Variants in DECR1 observed in about 807,000 individuals in gnomAD.
DECR1 encodes the protein 2,4-dienoyl-CoA reductase 1.
DECR1 carries 44 observed loss-of-function variants against 38.8 expected under a neutral mutation model. The ratio of observed to expected loss-of-function variants is 1.13; its 90% CI spans 0.89 to 1.46. The LOEUF is 1.46. DECR1 is among the 40% of genes most tolerant of loss of function. The probability of loss-of-function intolerance (pLI) is 0.00; values close to 1 mark genes in which losing one functional copy is unlikely to be tolerated. For synonymous variants in DECR1, 148 were observed against 135.2 expected (o/e 1.09, Z -0.66); for missense variants, 428 against 405.5 (o/e 1.06, Z -0.48).
rs182966199 is a variant in DECR1, at chr8:90,016,354, T to C, written c.70-770T>C. Among the ~76,000 whole-genome samples, 304 of 152,290 alleles carry C rather than the reference T, an allele frequency of 2.0e-3. 2 individuals carry two copies. The highest frequency in any genetic ancestry group is 6.8e-3 in the African/African-American group (284 of 41,550). ...ATGTTAGTTTTTTAAAAATTAAATT[T>C]GGTCGGGTGTGGTGGCTCATGCCTG... On this transcript the variant is annotated intron_variant, in intron 1 of 9. Coordinates refer to ENST00000220764, the MANE Select transcript of DECR1 (RefSeq NM_001359.2).
rs958892868 is a variant in DECR1, at chr8:90,052,848, A to G, written c.*951A>G. 1.5e-4 allele frequency among the ~76,000 whole-genome samples: 23 copies of G among 152,274 alleles called. No individual in the cohort carries two copies. Among genetic ancestry groups the G allele is most frequent in the African/African-American group, 5.1e-4 (21 of 41,564 alleles). ...TGCTTTCCCAGGAGTCAGTTACAAC[A>G]TGTTCACTAGACTGACTATCCCCAT... On this transcript the variant is annotated 3_prime_UTR_variant, in exon 10 of 10. Coordinates refer to ENST00000220764, the MANE Select transcript of DECR1 (RefSeq NM_001359.2).
intron 7 of DECR1, 133 bp downstream of exon 7, chr8:90,042,933 C>T: frequency 1.4e-6 from 1 of 719,004 alleles, no homozygotes; most frequent in South Asian, 1.7e-5. Flanking sequence ...GGGAAGAGGC[C>T]TTTGCCTTTA....
chr8:90,038,244 T>C (rs1813662393), intron 6 of DECR1, among the ~76,000 whole-genome samples: 2 of 152,174 alleles, frequency 1.3e-5, no homozygotes, highest in South Asian at 4.1e-4. Context: ...AGCTTTCATA[T>C]GTCTATGGCT....
At chr8:90,037,526 A>G (rs1280442129) in intron 6 of DECR1, among the ~76,000 whole-genome samples, 1 of 150,528 alleles carries the variant, frequency 6.6e-6, no homozygotes, top group East Asian at 2.0e-4. Context: ...AGCTTATTGC[A>G]GCCTTAATCT....
intron 5 of DECR1, among the ~76,000 whole-genome samples, chr8:90,022,416 T>C (rs1016687657): frequency 3.3e-5 from 5 of 152,204 alleles, no homozygotes; most frequent in African/African-American, 1.2e-4. Flanking sequence ...CTCATTGAAA[T>C]TGAAATTCCT....
intron 1 of DECR1, 57 bp downstream of exon 1, chr8:90,001,618 G>A: frequency 6.5e-7 from 1 of 1,533,622 alleles, no homozygotes; most frequent in Non-Finnish European, 9.0e-7. Context: ...CGCAAAGAGA[G>A]AGGACAGGGC....
In DECR1 at chr8:90,042,801, G is replaced by A; in HGVS notation, c.738+1G>A. On this transcript the variant is annotated splice_donor_variant, in intron 7 of 9. Transcript: ENST00000220764. LOFTEE classifies it high-confidence loss of function. Reference sequence around the variant, plus strand: ...TCAACCAGGGCCTATAAAAACCAAAGTAAGTTGTATTTTGCTTGTTATCAC... The same window carrying A: ...TCAACCAGGGCCTATAAAAACCAAAATAAGTTGTATTTTGCTTGTTATCAC... 1 of 1,611,636 alleles carries A rather than the reference G, an allele frequency of 6.2e-7. No homozygotes were observed. The highest frequency in any genetic ancestry group is 8.5e-7 in the Non-Finnish European group (1 of 1,177,904).
chr8:90,028,808 G>T (rs534468258), intron 5 of DECR1, among the ~76,000 whole-genome samples: 2 of 132,984 alleles, frequency 1.5e-5, no homozygotes, highest in East Asian at 2.2e-4. Flanking sequence ...TGCTTATTTT[G>T]TATCAGGCTT....
At chr8:90,014,952 A>G (rs932280732) in intron 1 of DECR1, among the ~76,000 whole-genome samples, 17 of 152,306 alleles carry the variant, frequency 1.1e-4, no homozygotes, top group East Asian at 3.9e-4. Context: ...TGCTTTGGCA[A>G]AAGGATATGA....
intron 5 of DECR1, among the ~76,000 whole-genome samples, chr8:90,036,616 C>G (rs746305525): frequency 6.6e-6 from 1 of 152,102 alleles, no homozygotes; most frequent in Non-Finnish European, 1.5e-5. Context: ...GGCATACATT[C>G]CAAGTAAGTG....
rs1814098338 is a variant in DECR1 at position 90,051,703 on chromosome 8, A to G, written c.912A>G (p.Glu304=). 6.2e-7 allele frequency: 1 copy of G among 1,612,498 alleles called. No homozygotes were observed. Residue 304 remains glutamate, a synonymous_variant, in exon 9 of 10, where the codon GAA becomes GAG. Coordinates refer to ENST00000220764, the MANE Select transcript of DECR1 (RefSeq NM_001359.2). ...GAVIKFDGGE[E]VLISGEFNDL... ...TCATTAAATTTGACGGTGGAGAGGAAGTACTTATTTCAGGGGAATTCAACG... is the reference window on the plus strand; with the variant it reads ...TCATTAAATTTGACGGTGGAGAGGAGGTACTTATTTCAGGGGAATTCAACG...
At chr8:90,009,305 G>A (rs1032951528) in intron 1 of DECR1, among the ~76,000 whole-genome samples, 1 of 152,088 alleles carries the variant, frequency 6.6e-6, no homozygotes, top group Non-Finnish European at 1.5e-5. Context: ...TCTCCTTCAC[G>A]TCTTTGCTCC....
At chr8:90,026,368 T>C (rs1813337676) in intron 5 of DECR1, among the ~76,000 whole-genome samples, 1 of 152,224 alleles carries the variant, frequency 6.6e-6, no homozygotes, top group South Asian at 2.1e-4. Context: ...TTTTTTTGGT[T>C]GGTAGGCTTT....
At chr8:90,039,461 C>T (rs1265044881) in intron 6 of DECR1, among the ~76,000 whole-genome samples, 1 of 152,170 alleles carries the variant, frequency 6.6e-6, no homozygotes, top group African/African-American at 2.4e-5. Context: ...CACTCACTAT[C>T]ATGAGAACAG....
intron 5 of DECR1, among the ~76,000 whole-genome samples, chr8:90,033,507 C>T (rs1813546536): frequency 6.6e-6 from 1 of 152,118 alleles, no homozygotes; most frequent in Non-Finnish European, 1.5e-5. Context: ...GTGACTAACC[C>T]TGGGGATCTA....
chr8:90,023,348 T>G (rs1813213358), intron 5 of DECR1, among the ~76,000 whole-genome samples: 1 of 152,198 alleles, frequency 6.6e-6, no homozygotes, highest in South Asian at 2.1e-4. Context: ...ATTGATGTAT[T>G]CCCTAGGAGC....
intron 5 of DECR1, among the ~76,000 whole-genome samples, chr8:90,035,617 T>A (rs1813601371): frequency 6.6e-6 from 1 of 152,114 alleles, no homozygotes; most frequent in African/African-American, 2.4e-5. Flanking sequence ...AAAGGCTGTT[T>A]GTCTGCTACA....
chr8:90,043,354 T>C (rs1316923675), intron 7 of DECR1, among the ~76,000 whole-genome samples: 3 of 152,196 alleles, frequency 2.0e-5, no homozygotes, highest in African/African-American at 7.2e-5. Flanking sequence ...AGCATAGATT[T>C]CACCTATAAG....
At chr8:90,023,330 T>C (rs1431113864) in intron 5 of DECR1, among the ~76,000 whole-genome samples, 1 of 152,212 alleles carries the variant, frequency 6.6e-6, no homozygotes, top group Non-Finnish European at 1.5e-5. Context: ...AATGGATTAG[T>C]TTTGTGTATT....
Sources: gnomAD v4.1 joint callset for allele counts (sites outside exome capture counted in the v4.1 genomes callset) on GRCh38, gnomAD v4.1.1 for gene constraint, MANE v1.5 for transcripts, NCBI Gene and HGNC (gene_info 2026-07-23, HGNC 2026-07-21) for gene names.